Variants in BIN1 observed in about 807,000 individuals in gnomAD.
BIN1 encodes myc box-dependent-interacting protein 1.
A neutral mutation model predicts 82.0 loss-of-function variants in BIN1; 53 were observed. That is an observed-to-expected ratio of 0.65 (90% CI 0.52 to 0.81). BIN1 has a LOEUF of 0.81. Ranked by LOEUF, BIN1 falls within the 40% of genes least tolerant of loss-of-function variation. The pLI, the probability that BIN1 is intolerant of heterozygous loss-of-function variation, is 0.00. For synonymous variants in BIN1, 302 were observed against 328.0 expected (o/e 0.92, Z 0.86); for missense variants, 642 against 784.4 (o/e 0.82, Z 2.17).
At chr2:127,071,914 T>C (rs536777442) in intron 2 of BIN1, among the ~76,000 whole-genome samples, 1 of 152,332 alleles carries the variant, frequency 6.6e-6, no homozygotes, top group Admixed American at 6.5e-5. Context: ...CCTCAGGAGA[T>C]GGCCTTCATG....
Position 127,059,292 on chromosome 2 carries a change from G to A in BIN1, c.858-137C>T, listed in dbSNP as rs1573582887. 5.1e-6 allele frequency: 3 copies of A among 593,428 alleles called. No individual in the cohort carries two copies. The highest frequency in any genetic ancestry group is 7.9e-6 in the Non-Finnish European group (3 of 381,074). The allele number at this position is 593,428 out of a possible 1,614,324, so 36.8% of individuals were successfully genotyped here. On this transcript the variant is annotated intron_variant, in intron 10 of 18. Coordinates refer to ENST00000316724, the MANE Select transcript of BIN1 (RefSeq NM_139343.3). This position sits in a 1 kb window ranked among gnomAD's most constrained non-coding sequence, Gnocchi z 6.7. ...AAACTGTGTGTGTGTGTGTGTGTGT[G>A]TATGTGAGAGAGAGCAGGAGGGTGG... is the stretch of plus-strand genomic sequence containing the variant.
chr2:127,107,124 G>A lies in BIN1; in HGVS notation c.-181C>T. ...GCGCCGGACGGGCGAGCGAGCCAGC[G>A]AGCTAGCCAGCGAGCGACGCGGGGA... On this transcript the variant is annotated 5_prime_UTR_variant, in exon 1 of 19. Coordinates refer to ENST00000316724, the MANE Select transcript of BIN1 (RefSeq NM_139343.3). This position sits in a 1 kb window ranked among gnomAD's most constrained non-coding sequence, Gnocchi z 5.9. 2 of 604,916 alleles carry A rather than the reference G, an allele frequency of 3.3e-6. No individual in the cohort carries two copies. The highest frequency in any genetic ancestry group is 3.8e-5 in the East Asian group (1 of 26,190). 37.5% of individuals were successfully genotyped at this position (604,916 alleles called of 1,614,324 possible).
rs138047593 is a variant in BIN1 at position 127,050,470 on chromosome 2, T to C, written c.1625A>G (p.Lys542Arg). 0.011 allele frequency: 17,190 copies of C among 1,614,222 alleles called. 136 individuals carry two copies. Among genetic ancestry groups the C allele is most frequent in the Non-Finnish European group, 0.013 (15,359 of 1,180,028 alleles). The change falls in exon 18 of 19, where the codon AAG (lysine) becomes AGG (arginine). Residue 542 changes from lysine (K) to arginine (R), a missense_variant. Lys to Arg is a conservative substitution (Grantham distance 26). Coordinates refer to ENST00000316724, the MANE Select transcript of BIN1 (RefSeq NM_139343.3). ...TATDTDELQLKAGDVVLVIPF... is the reference protein window; with the variant it reads ...TATDTDELQLRAGDVVLVIPF... ...GATCACCAGCACCACATCACCAGCC[T>C]TGAGCTGCAGCTCGTCTGTGTCAGT...
Position 127,067,779 on chromosome 2 carries a change from T to C in BIN1, c.612+384A>G, listed in dbSNP as rs1397401589. ...ATTCAAGATGATCTCAGAGTTGTCA[T>C]GTGGCTTGAAGGACAGGCATGGCAG... is the stretch of plus-strand genomic sequence containing the variant. On this transcript the variant is annotated intron_variant, in intron 7 of 18. Coordinates refer to ENST00000316724, the MANE Select transcript of BIN1 (RefSeq NM_139343.3). The surrounding 1 kb of genome is among the most constrained non-coding windows in gnomAD (Gnocchi z 4.7). Among the ~76,000 whole-genome samples, 2 of 152,170 alleles carry C rather than the reference T, an allele frequency of 1.3e-5. No homozygotes were observed. Among genetic ancestry groups the C allele is most frequent in the Non-Finnish European group, 2.9e-5 (2 of 68,024 alleles).
chr2:127,085,504 A>T (rs1040635142), intron 1 of BIN1, among the ~76,000 whole-genome samples: 6 of 152,218 alleles, frequency 3.9e-5, no homozygotes, highest in African/African-American at 1.4e-4. Flanking sequence ...TGGCAGAGCC[A>T]CCTGTTCATG....
In BIN1 at chr2:127,059,620, T is replaced by C. The variant is rs1684180374; in HGVS notation, c.858-465A>G. Among the ~76,000 whole-genome samples the C allele has an allele frequency of 6.6e-6, 1 of 152,174 alleles. No homozygotes were observed. Among genetic ancestry groups the C allele is most frequent in the African/African-American group, 2.4e-5 (1 of 41,436 alleles). On this transcript the variant is annotated intron_variant, in intron 10 of 18. Transcript: ENST00000316724. The surrounding 1 kb of genome is among the most constrained non-coding windows in gnomAD (Gnocchi z 6.7). Reference sequence around the variant, plus strand: ...TTCTGGGGTCTGCTCCCCAGCCTGCTGCCCTCCCTGCCTGTCCATCACAGC... The same window carrying C: ...TTCTGGGGTCTGCTCCCCAGCCTGCCGCCCTCCCTGCCTGTCCATCACAGC...
chr2:127,070,666 G>C lies in BIN1; in HGVS notation c.221-19C>G. ...TGCATGGCTGTGGGGCAGAAAGGAA[G>C]TATGTGGGCCTCCCACTGATAGCGC... On this transcript the variant is annotated intron_variant, in intron 3 of 18. Transcript: ENST00000316724. 6.2e-7 allele frequency: 1 copy of C among 1,614,006 alleles called. No homozygotes were observed. Among genetic ancestry groups the C allele is most frequent in the South Asian group, 1.1e-5 (1 of 91,074 alleles).
chr2:127,099,928 C>T (rs868600412), intron 1 of BIN1, among the ~76,000 whole-genome samples: 1 of 151,634 alleles, frequency 6.6e-6, no homozygotes, highest in African/African-American at 2.4e-5. Flanking sequence ...CTCAGCCTCC[C>T]GAGTAGCTGG....
intron 13 of BIN1, 200 bp from the exon 14 acceptor site, chr2:127,053,645 A>G (rs1683258631): frequency 1.3e-6 from 1 of 773,528 alleles, no homozygotes; most frequent in Non-Finnish European, 2.2e-6. Context: ...CAAGACCCCA[A>G]GCCAGGATGC....
At chr2:127,104,015 C>T (rs1265460215) in intron 1 of BIN1, among the ~76,000 whole-genome samples, 2 of 152,230 alleles carry the variant, frequency 1.3e-5, no homozygotes. Context: ...CACACCAAGG[C>T]CACAGGCCAT....
intron 1 of BIN1, among the ~76,000 whole-genome samples, chr2:127,094,533 C>T (rs1679338363): frequency 7.7e-6 from 1 of 129,064 alleles, no homozygotes; most frequent in Admixed American, 7.6e-5. Flanking sequence ...GAGGCCAGTG[C>T]AACCTGGGAG....
At position 127,057,446 on chromosome 2, in the gene BIN1, A is replaced by C. The variant is rs1483200893; in HGVS notation, c.1131+27T>G. 20 of 1,538,076 alleles carry C rather than the reference A, an allele frequency of 1.3e-5. No homozygotes were observed. The highest frequency in any genetic ancestry group is 1.8e-5 in the Non-Finnish European group (20 of 1,140,342). On this transcript the variant is annotated intron_variant, in intron 12 of 18. Coordinates refer to ENST00000316724, the MANE Select transcript of BIN1 (RefSeq NM_139343.3). The surrounding 1 kb of genome is among the most constrained non-coding windows in gnomAD (Gnocchi z 5.0). Reference sequence around the variant, plus strand: ...CCCTGAGAGGGCAGGAAGAGAGGAGAGCTGGGCCGCGGCGGCCGCGGCTGA... The same window carrying C: ...CCCTGAGAGGGCAGGAAGAGAGGAGCGCTGGGCCGCGGCGGCCGCGGCTGA...
intron 18 of BIN1, 123 bp downstream of exon 18, chr2:127,050,298 G>T: frequency 2.0e-6 from 2 of 982,862 alleles, no homozygotes; most frequent in Non-Finnish European, 3.2e-6. Context: ...CAGTTGGCGC[G>T]GGAGCCCTGG....
At chr2:127,071,797 C>A (rs1054360824) in intron 2 of BIN1, among the ~76,000 whole-genome samples, 1 of 152,206 alleles carries the variant, frequency 6.6e-6, no homozygotes, top group African/African-American at 2.4e-5. Context: ...AGCTAGTGAG[C>A]CTCTCTGAAC....
chr2:127,057,704 G>A lies in BIN1; in HGVS notation c.1003-103C>T. 1 of 1,368,406 alleles carries A rather than the reference G, an allele frequency of 7.3e-7. No homozygotes were observed. The highest frequency in any genetic ancestry group is 9.6e-7 in the Non-Finnish European group (1 of 1,041,510). The allele number at this position is 1,368,406 out of a possible 1,614,324, so 84.8% of individuals were successfully genotyped here. A position where few individuals can be genotyped will look rare whatever the true frequency, so the allele number is the denominator to read the frequency against. ...AAAGCCACGGTTAGTCACACCTCAGGCCACAGTCCCACCCAGGCCACTGAG... is the reference window on the plus strand; with the variant it reads ...AAAGCCACGGTTAGTCACACCTCAGACCACAGTCCCACCCAGGCCACTGAG... On this transcript the variant is annotated intron_variant, in intron 11 of 18. Transcript: ENST00000316724. The surrounding 1 kb of genome is among the most constrained non-coding windows in gnomAD (Gnocchi z 5.0).
At chr2:127,097,767 C>T (rs916119543) in intron 1 of BIN1, among the ~76,000 whole-genome samples, 3 of 152,102 alleles carry the variant, frequency 2.0e-5, no homozygotes, top group Admixed American at 6.5e-5. Flanking sequence ...AGCTGAAGAG[C>T]CCAGGGCAGG....
At chr2:127,088,418 A>C (rs979140662) in intron 1 of BIN1, among the ~76,000 whole-genome samples, 4 of 152,148 alleles carry the variant, frequency 2.6e-5, no homozygotes, top group Non-Finnish European at 5.9e-5. Context: ...CAATGTTGAA[A>C]GGTGCTGTGA....
rs61748156 is a variant in BIN1 at position 127,062,111 on chromosome 2, G to A, written c.857+4C>T. On this transcript the variant is annotated splice_donor_region_variant and intron_variant, in intron 10 of 18. Coordinates refer to ENST00000316724, the MANE Select transcript of BIN1 (RefSeq NM_139343.3). ...AGGGGCGCCAGGGCTCTCCCCGCAC[G>A]CACCTGGGCTGGGCCTTGACCGTGA... is the stretch of plus-strand genomic sequence containing the variant. 3.9e-5 allele frequency: 62 copies of A among 1,603,684 alleles called. No individual in the cohort carries two copies. Among genetic ancestry groups the A allele is most frequent in the South Asian group, 3.6e-4 (32 of 89,144 alleles).
At chr2:127,070,212 T>C (rs1050307660) in intron 4 of BIN1, 122 bp from the exon 5 acceptor site, 6 of 795,838 alleles carry the variant, frequency 7.5e-6, no homozygotes, top group Non-Finnish European at 1.3e-5. Context: ...TCTCAGAGCC[T>C]CAGTTTCCCC....
Sources: gnomAD v4.1 joint callset for allele counts (sites outside exome capture counted in the v4.1 genomes callset) on GRCh38, gnomAD v4.1.1 for gene constraint, Gnocchi (gnomAD v3.1) non-coding constraint, MANE v1.5 for transcripts, NCBI Gene and HGNC (gene_info 2026-07-23, HGNC 2026-07-21) for gene names.